The following PIP5K1A variants were observed in gnomAD, a reference collection of about 807,000 sequenced individuals.
PIP5K1A encodes the protein phosphatidylinositol 4-phosphate 5-kinase type-1 alpha.
Under a neutral mutation model 72.9 loss-of-function variants are expected in PIP5K1A, and 46 were observed. The observed-to-expected ratio is 0.63, with a 90% CI of 0.50 to 0.81. The LOEUF is 0.81. Among genes scored for constraint, PIP5K1A ranks in the 30% least tolerant of loss-of-function variants. The probability of loss-of-function intolerance (pLI) is 0.00; values close to 1 mark genes in which losing one functional copy is unlikely to be tolerated. For missense variants in PIP5K1A, 458 were observed against 706.1 expected, an observed-to-expected ratio of 0.65 and a Z score of 3.98; for synonymous variants, 228 against 255.1, an observed-to-expected ratio of 0.89 and a Z score of 1.01.
intron 1 of PIP5K1A, among the ~76,000 whole-genome samples, chr1:151,212,976 C>T (rs1427872091): frequency 3.7e-5 from 5 of 136,158 alleles, no homozygotes; most frequent in Non-Finnish European, 6.2e-5. Flanking sequence ...CTGCAAAGTT[C>T]GCCTCCTGGG....
rs1237089540 is a variant in PIP5K1A at position 151,249,294 on chromosome 1, A to T, written c.*1429A>T. On this transcript the variant is annotated 3_prime_UTR_variant, in exon 16 of 16. Transcript: ENST00000368888. Reference sequence around the variant, plus strand: ...TTACAAGAAGGAAAGAATTCTTGCTATTTTTTTTTCATAATTTACTATTTA... The same window carrying T: ...TTACAAGAAGGAAAGAATTCTTGCTTTTTTTTTTTCATAATTTACTATTTA... The T allele has an allele frequency of 1.4e-5, 2 of 146,894 alleles. No individual in the cohort carries two copies. Among genetic ancestry groups the T allele is most frequent in the Admixed American group, 6.8e-5 (1 of 14,628 alleles). The allele number at this position is 146,894 out of a possible 1,614,324, so 9.1% of individuals were successfully genotyped here. A position where few individuals can be genotyped will look rare whatever the true frequency, so the allele number is the denominator to read the frequency against.
At chr1:151,232,224 G>A (rs764815891) in intron 5 of PIP5K1A, 24 bp from the exon 6 acceptor site, 1 of 1,498,078 alleles carries the variant, frequency 6.7e-7, no homozygotes, top group East Asian at 2.3e-5. Context: ...GGCAAGTTAT[G>A]GCTACCTCTG....
At chr1:151,238,094 G>T (rs41269678) in intron 9 of PIP5K1A, 88 bp from the exon 10 acceptor site, 1 of 766,258 alleles carries the variant, frequency 1.3e-6, no homozygotes, top group African/African-American at 1.7e-5. Context: ...GGAGGATGAG[G>T]CAGTTATGTG....
At chr1:151,247,776 G>A in intron 15 of PIP5K1A, 87 bp from the exon 16 acceptor site, 1 of 1,142,378 alleles carries the variant, frequency 8.8e-7, no homozygotes, top group East Asian at 2.5e-5. Context: ...GGAGGCTGAG[G>A]CTGAAATAGA....
intron 3 of PIP5K1A, among the ~76,000 whole-genome samples, chr1:151,224,942 C>T (rs1439758483): frequency 6.6e-6 from 1 of 152,176 alleles, no homozygotes; most frequent in African/African-American, 2.4e-5. Context: ...CAAACTTTCT[C>T]TCAGAACATC....
intron 3 of PIP5K1A, among the ~76,000 whole-genome samples, chr1:151,224,878 C>T (rs2102451218): frequency 6.6e-6 from 1 of 152,264 alleles, no homozygotes; most frequent in Middle Eastern, 3.4e-3. Flanking sequence ...CTTGCCTCTC[C>T]CCTGGGTTTT....
At chr1:151,212,611 T>C (rs1257555634) in intron 1 of PIP5K1A, among the ~76,000 whole-genome samples, 1 of 152,136 alleles carries the variant, frequency 6.6e-6, no homozygotes, top group African/African-American at 2.4e-5. Flanking sequence ...AGTCTCGCTC[T>C]GTCGCCAGGC....
Position 151,232,460 on chromosome 1 carries a change from A to T in PIP5K1A, c.487-91A>T, listed in dbSNP as rs1008426809. 3 of 1,516,490 alleles carry T rather than the reference A, an allele frequency of 2.0e-6. No individual in the cohort carries two copies. In the African/African-American group the frequency reaches 4.1e-5, roughly 21 times the overall value. The allele number at this position is 1,516,490 out of a possible 1,614,324, so 93.9% of individuals were successfully genotyped here. On this transcript the variant is annotated intron_variant, in intron 6 of 15. Transcript: ENST00000368888. Reference sequence around the variant, plus strand: ...TCTCCACAGTCTCGCTCTGGTTTTTATTTAGAAAAGAATTGCATCTGTAGT... The same window carrying T: ...TCTCCACAGTCTCGCTCTGGTTTTTTTTTAGAAAAGAATTGCATCTGTAGT...
rs587652104 is a variant in PIP5K1A, at chr1:151,211,246, G to T, written c.85+12165G>T. Among the ~76,000 whole-genome samples, 8 of 152,300 alleles carry T rather than the reference G, an allele frequency of 5.3e-5. No individual in the cohort carries two copies. In the East Asian group the frequency reaches 9.7e-4, roughly 18 times the overall value. ...TTCCACCTGTAGTCCCAGCACTTTGGGGGGCTGAGGCAGGCAGATTGCTTG... is the reference window on the plus strand; with the variant it reads ...TTCCACCTGTAGTCCCAGCACTTTGTGGGGCTGAGGCAGGCAGATTGCTTG... On this transcript the variant is annotated intron_variant, in intron 1 of 15. Transcript: ENST00000368888.
intron 3 of PIP5K1A, 128 bp from the exon 4 acceptor site, chr1:151,227,192 G>C (rs1689276230): frequency 3.2e-6 from 2 of 621,290 alleles, no homozygotes; most frequent in East Asian, 5.6e-5. Flanking sequence ...TAGATCTGAA[G>C]ATTTTGTAAA....
At position 151,238,216 on chromosome 1, in the gene PIP5K1A, G is replaced by A. The variant is rs587652042; in HGVS notation, c.1180G>A (p.Glu394Lys). The A allele has an allele frequency of 6.2e-7, 1 of 1,613,248 alleles. No homozygotes were observed. Among genetic ancestry groups the A allele is most frequent in the African/African-American group, 1.3e-5 (1 of 74,998 alleles). The change falls in exon 10 of 16, where the codon GAA becomes AAA. Residue 394 changes from glutamate (E) to lysine (K), a missense_variant. This residue lies in a region of PIP5K1A where 220 missense variants were observed against 442.6 expected (regional missense o/e 0.50). Transcript: ENST00000368888. ...GGIPARNSKG[E>K]RLLLYIGIID... is the part of the protein sequence containing the mutation. ...CATCCCTGCCCGGAATAGTAAAGGG[G>A]AAAGGCTTCTGCTTTATATTGGCAT...
intron 9 of PIP5K1A, 124 bp from the exon 10 acceptor site, chr1:151,238,058 A>G (rs970657358): frequency 3.2e-6 from 2 of 619,240 alleles, no homozygotes; most frequent in Non-Finnish European, 2.9e-6. Flanking sequence ...TTTCTTGATC[A>G]CTTATTATCT....
intron 1 of PIP5K1A, among the ~76,000 whole-genome samples, chr1:151,219,852 T>TTTC (rs1688162235): frequency 1.5e-4 from 1 of 6,722 alleles, no homozygotes; most frequent in Non-Finnish European, 6.1e-4. Flanking sequence ...TATTCTTTCC[T>TTTC]TTTTTTTTTT....
Position 151,248,250 on chromosome 1 carries a change from C to G in PIP5K1A, c.*385C>G. The G allele has an allele frequency of 3.4e-6, 1 of 293,198 alleles. No homozygotes were observed. The highest frequency in any genetic ancestry group is 6.5e-6 in the Non-Finnish European group (1 of 152,742). The allele number at this position is 293,198 out of a possible 1,614,324, so 18.2% of individuals were successfully genotyped here. On this transcript the variant is annotated 3_prime_UTR_variant, in exon 16 of 16. Transcript: ENST00000368888. ...CTCGTCTTTGACTAGGAACCGGACT[C>G]TTAATTTCCTCAGGACAGACTAGCT...
intron 1 of PIP5K1A, chr1:151,223,755 G>A (rs1020537616): frequency 2.6e-5 from 4 of 154,794 alleles, no homozygotes; most frequent in African/African-American, 9.7e-5. Context: ...TGGGAGGCTT[G>A]AGGTGGATGG....
intron 12 of PIP5K1A, among the ~76,000 whole-genome samples, chr1:151,241,765 A>G (rs1691742007): frequency 6.6e-6 from 1 of 151,104 alleles, no homozygotes; most frequent in African/African-American, 2.4e-5. Flanking sequence ...GCGCCATTGC[A>G]CTTCAGCCTG....
At chr1:151,231,904 C>G in intron 5 of PIP5K1A, 103 bp downstream of exon 5, 1 of 1,048,870 alleles carries the variant, frequency 9.5e-7, no homozygotes, top group Non-Finnish European at 1.5e-6. Context: ...GACATGTGTC[C>G]ATTTCTTAAC....
rs587611007 is a variant in PIP5K1A at position 151,234,620 on chromosome 1, A to G, written c.939+124A>G. 6.5e-5 allele frequency: 46 copies of G among 709,162 alleles called. No individual in the cohort carries two copies. The East Asian group carries it at 1.2e-3, about 18-fold the overall frequency. 43.9% of individuals were successfully genotyped at this position (709,162 alleles called of 1,614,324 possible). A position where few individuals can be genotyped will look rare whatever the true frequency, so the allele number is the denominator to read the frequency against. ...ACTGTATGTCCTGGGCTGTATTTAAAATAAGTCTTAATTAGTTCATTGCCA... is the reference window on the plus strand; with the variant it reads ...ACTGTATGTCCTGGGCTGTATTTAAGATAAGTCTTAATTAGTTCATTGCCA... On this transcript the variant is annotated intron_variant, in intron 8 of 15. Transcript: ENST00000368888.
rs138138424 is a variant in PIP5K1A at position 151,209,688 on chromosome 1, C to T, written c.85+10607C>T. On this transcript the variant is annotated intron_variant, in intron 1 of 15. Transcript: ENST00000368888. ...TCCTGACCTCAGGTGATCCGCCCACCTCAGCCTCCCAAAGTGCTGGGATTA... is the reference window on the plus strand; with the variant it reads ...TCCTGACCTCAGGTGATCCGCCCACTTCAGCCTCCCAAAGTGCTGGGATTA... Among the ~76,000 whole-genome samples, 1,288 of 151,676 alleles carry T rather than the reference C, an allele frequency of 8.5e-3. 17 individuals are homozygous for T. Among genetic ancestry groups the T allele is most frequent in the African/African-American group, 0.029 (1,209 of 41,380 alleles).
Sources: gnomAD v4.1 joint callset for allele counts (sites outside exome capture counted in the v4.1 genomes callset) on GRCh38, gnomAD v4.1.1 for gene constraint, gnomAD v4.1.1 regional missense constraint, MANE v1.5 for transcripts, NCBI Gene and HGNC (gene_info 2026-07-23, HGNC 2026-07-21) for gene names.